HTR1F: variants seen among roughly 807,000 people sequenced by gnomAD.
The protein encoded by HTR1F is 5-hydroxytryptamine receptor 1F.
In HTR1F, 17 loss-of-function variants were observed where a neutral mutation model predicts 24.0. The observed-to-expected ratio is 0.71, with a 90% CI of 0.48 to 1.06. The LOEUF (loss-of-function observed/expected upper bound fraction) is 1.06. Ranked by LOEUF, HTR1F falls within the 50% of genes least tolerant of loss-of-function variation. The pLI is 0.00. For synonymous variants in HTR1F, 186 were observed against 156.8 expected, an observed-to-expected ratio of 1.19 and a Z score of -1.39; for missense variants, 391 against 427.8, an observed-to-expected ratio of 0.91 and a Z score of 0.76.
intron 2 of HTR1F, among the ~76,000 whole-genome samples, chr3:87,831,701 T>C (rs1383044816): frequency 1.3e-5 from 2 of 152,156 alleles, no homozygotes; most frequent in Non-Finnish European, 2.9e-5. Flanking sequence ...AAAAACAAAC[T>C]TCAGTGCTAT....
chr3:87,984,383 TTTTGA>T (rs1705616443), intron 2 of HTR1F, among the ~76,000 whole-genome samples: 2 of 152,132 alleles, frequency 1.3e-5, no homozygotes, highest in African/African-American at 4.8e-5. Context: ...TGTTTTGCTG[TTTTGA>T]TTTGTTTTGT....
At chr3:87,935,456 T>A (rs142609681) in intron 2 of HTR1F, among the ~76,000 whole-genome samples, 2 of 152,068 alleles carry the variant, frequency 1.3e-5, no homozygotes, top group Admixed American at 6.5e-5. Flanking sequence ...GTGAGGCTTC[T>A]GCAAGTGTCT....
chr3:87,830,295 A>C (rs1336565944), intron 2 of HTR1F, among the ~76,000 whole-genome samples: 1 of 152,152 alleles, frequency 6.6e-6, no homozygotes, highest in Non-Finnish European at 1.5e-5. Flanking sequence ...ACCATGACAT[A>C]AAATGAAATC....
intron 2 of HTR1F, among the ~76,000 whole-genome samples, chr3:87,869,481 T>TA (rs1245965335): frequency 3.4e-5 from 4 of 116,352 alleles, no homozygotes; most frequent in African/African-American, 9.5e-5. Flanking sequence ...GATAGATAGA[T>TA]GATAGATAGA....
intron 2 of HTR1F, among the ~76,000 whole-genome samples, chr3:87,901,045 G>A (rs1286181630): frequency 1.3e-5 from 2 of 152,208 alleles, no homozygotes; most frequent in Non-Finnish European, 2.9e-5. Flanking sequence ...TCCACCAGAA[G>A]GAAAGAGAAA....
intron 2 of HTR1F, among the ~76,000 whole-genome samples, chr3:87,873,014 T>C (rs530763606): frequency 1.6e-4 from 25 of 151,830 alleles, no homozygotes; most frequent in Admixed American, 2.6e-4. Context: ...TAGTAACCAA[T>C]ATCCCTAATG....
intron 2 of HTR1F, among the ~76,000 whole-genome samples, chr3:87,988,372 A>C (rs1359383316): frequency 6.6e-6 from 1 of 151,978 alleles, no homozygotes; most frequent in Non-Finnish European, 1.5e-5. Context: ...ACTCTTTTTC[A>C]GGTATTCAAA....
chr3:87,862,800 A>T (rs1705344361), intron 2 of HTR1F, among the ~76,000 whole-genome samples: 1 of 151,694 alleles, frequency 6.6e-6, no homozygotes, highest in Non-Finnish European at 1.5e-5. Flanking sequence ...TGACTCATGT[A>T]CTTACTCTTT....
chr3:87,941,316 A>G (rs915447429), intron 2 of HTR1F, among the ~76,000 whole-genome samples: 9 of 152,162 alleles, frequency 5.9e-5, no homozygotes, highest in African/African-American at 2.2e-4. Flanking sequence ...TAGTTGCTTT[A>G]GGGTTTTGGG....
Position 87,911,700 on chromosome 3 carries a change from T to C in HTR1F, c.-42-79008T>C, listed in dbSNP as rs540381968. On this transcript the variant is annotated intron_variant, in intron 2 of 2. Transcript: ENST00000319595. ...CTTGCAAATTGCATCCAACAGCACA[T>C]TGAAAAGCTAATCCACCACTCTCAA... is the stretch of plus-strand genomic sequence containing the variant. Among the ~76,000 whole-genome samples, 17 of 152,184 alleles carry C rather than the reference T, an allele frequency of 1.1e-4. No homozygotes were observed. In the South Asian group the frequency reaches 2.5e-3, roughly 22 times the overall value.
At chr3:87,929,961 C>A (rs571373882) in intron 2 of HTR1F, among the ~76,000 whole-genome samples, 2 of 152,110 alleles carry the variant, frequency 1.3e-5, no homozygotes, top group South Asian at 2.1e-4. Flanking sequence ...TTGTTTCTAT[C>A]GTCTCTGATT....
Position 87,978,926 on chromosome 3 carries a change from AAG to A in HTR1F, c.-42-11781_-42-11780del, listed in dbSNP as rs1372631688. Among the ~76,000 whole-genome samples the A allele has an allele frequency of 6.4e-4, 68 of 106,926 alleles. 3 individuals carry two copies. Among genetic ancestry groups the A allele is most frequent in the African/African-American group, 1.7e-3 (42 of 25,126 alleles). 70.1% of individuals were successfully genotyped at this position (106,926 alleles called of 152,430 possible). A position where few individuals can be genotyped will look rare whatever the true frequency, so the allele number is the denominator to read the frequency against. On this transcript the variant is annotated intron_variant, in intron 2 of 2. Transcript: ENST00000319595. ...GAAGGAAGGAAGGAAGGAAGGAAGG[AAG>A]GAAGGAAAAGAGAGAGATGGGAAAG...
chr3:87,970,880 A>G (rs1394167699), intron 2 of HTR1F, among the ~76,000 whole-genome samples: 1 of 152,218 alleles, frequency 6.6e-6, no homozygotes, highest in Non-Finnish European at 1.5e-5. Flanking sequence ...GCATTTCCAA[A>G]GAAAAATTTC....
At chr3:87,895,586 T>C (rs1195927754) in intron 2 of HTR1F, among the ~76,000 whole-genome samples, 1 of 152,152 alleles carries the variant, frequency 6.6e-6, no homozygotes, top group Admixed American at 6.5e-5. Flanking sequence ...AAAATACATC[T>C]TCGGATTTTA....
chr3:87,797,789 A>T lies in HTR1F; in HGVS notation c.-160+4947A>T, dbSNP rs989419140. ...AAAGTAGCTGGAGTGGGCCATGGAG[A>T]CTTGTTTTTAAAATGGGAGTTACTA... On this transcript the variant is annotated intron_variant, in intron 1 of 2. Transcript: ENST00000319595. Among the ~76,000 whole-genome samples, 6 of 152,276 alleles carry T rather than the reference A, an allele frequency of 3.9e-5. No homozygotes were observed. The South Asian group carries it at 1.2e-3, about 32-fold the overall frequency.
intron 2 of HTR1F, among the ~76,000 whole-genome samples, chr3:87,919,918 T>C (rs1213646430): frequency 1.3e-5 from 2 of 151,830 alleles, no homozygotes; most frequent in African/African-American, 4.8e-5. Flanking sequence ...TACTCATACA[T>C]GCATGTTTAT....
At chr3:87,924,448 G>A (rs1704079352) in intron 2 of HTR1F, among the ~76,000 whole-genome samples, 2 of 151,966 alleles carry the variant, frequency 1.3e-5, no homozygotes, top group African/African-American at 4.8e-5. Flanking sequence ...TTTCTCAGTT[G>A]TATGTCTGTT....
At chr3:87,946,422 G>A (rs1274013217) in intron 2 of HTR1F, among the ~76,000 whole-genome samples, 2 of 151,898 alleles carry the variant, frequency 1.3e-5, no homozygotes, top group African/African-American at 4.8e-5. Context: ...AGAACCTGAA[G>A]TCTTGTAACC....
At chr3:87,963,051 G>A (rs1705094456) in intron 2 of HTR1F, among the ~76,000 whole-genome samples, 1 of 151,800 alleles carries the variant, frequency 6.6e-6, no homozygotes, top group South Asian at 2.1e-4. Flanking sequence ...TAAAAATACT[G>A]ATTTATACTC....
Sources: gnomAD v4.1 joint callset for allele counts (sites outside exome capture counted in the v4.1 genomes callset) on GRCh38, gnomAD v4.1.1 for gene constraint, MANE v1.5 for transcripts, NCBI Gene and HGNC (gene_info 2026-07-23, HGNC 2026-07-21) for gene names.